Variants in XAB2 observed in about 807,000 individuals in gnomAD.
XAB2 encodes the protein pre-mRNA-splicing factor SYF1.
In XAB2, 57 loss-of-function variants were observed where a neutral mutation model predicts 113.4. The observed-to-expected ratio is 0.50, with a 90% CI of 0.41 to 0.63. XAB2 has a LOEUF of 0.63. Among genes scored for constraint, XAB2 ranks in the 20% least tolerant of loss-of-function variants. The probability of loss-of-function intolerance (pLI) is 0.00; values close to 1 mark genes in which losing one functional copy is unlikely to be tolerated. For synonymous variants in XAB2, 497 were observed against 498.8 expected (o/e 1.00, Z 0.05); for missense variants, 1,037 against 1,233.3 (o/e 0.84, Z 2.38).
At chr19:7,626,614 G>A (rs1319122892) in intron 4 of XAB2, among the ~76,000 whole-genome samples, 1 of 151,646 alleles carries the variant, frequency 6.6e-6, no homozygotes, top group Non-Finnish European at 1.5e-5. Context: ...TCCAGCCTTG[G>A]TCCTTTTGGG....
At position 7,627,411 on chromosome 19, in the gene XAB2, C is replaced by T; in HGVS notation, c.354G>A (p.Gln118=). ...KMPRLWLDYC[Q]FLMDQGRVTH... is the part of the protein sequence containing the mutation. ...TGACGCGCCCCTGGTCCATGAGGAA[C>T]TGGCAGTAATCTAGCCACAGACGAG... The change falls in exon 4 of 19, where the codon CAG becomes CAA. Residue 118 remains glutamine, a synonymous_variant. Coordinates refer to ENST00000358368, the MANE Select transcript of XAB2 (RefSeq NM_020196.3). This position sits in a 1 kb window ranked among gnomAD's most constrained non-coding sequence, Gnocchi z 4.5. 6.2e-7 allele frequency: 1 copy of T among 1,606,128 alleles called. No homozygotes were observed. The highest frequency in any genetic ancestry group is 1.1e-5 in the South Asian group (1 of 90,292).
In XAB2 at chr19:7,624,422, G is replaced by A. The variant is rs753422016; in HGVS notation, c.846C>T (p.Ala282=). The A allele has an allele frequency of 1.9e-6, 3 of 1,614,114 alleles. No individual in the cohort carries two copies. Among genetic ancestry groups the A allele is most frequent in the Non-Finnish European group, 2.5e-6 (3 of 1,180,006 alleles). The change falls in exon 7 of 19, where the codon GCC becomes GCT. Residue 282 remains alanine, a synonymous_variant. Transcript: ENST00000358368. The surrounding 1 kb of genome is among the most constrained non-coding windows in gnomAD (Gnocchi z 4.2). ...FEKARDVYEE[A]IRTVMTVRDF... ...CCCGCACGGTCATCACTGTCCGGAT[G>A]GCCTCCTCGTACACGTCCCGAGCCT...
rs1343631908 is a variant in XAB2, at chr19:7,622,330, C to T, written c.1617+1G>A. ...CCTCTGGGTCCACCCTAGCCCCTCA[C>T]CTTGAAGCTCTCCTCGAAGTACTTG... On this transcript the variant is annotated splice_donor_variant, in intron 12 of 18. Coordinates refer to ENST00000358368, the MANE Select transcript of XAB2 (RefSeq NM_020196.3). LOFTEE classifies it high-confidence loss of function. 1 of 1,614,016 alleles carries T rather than the reference C, an allele frequency of 6.2e-7. No homozygotes were observed. Among genetic ancestry groups the T allele is most frequent in the Non-Finnish European group, 8.5e-7 (1 of 1,180,036 alleles).
chr19:7,620,123 C>T lies in XAB2; in HGVS notation c.2267-48G>A, dbSNP rs776366256. On this transcript the variant is annotated intron_variant, in intron 16 of 18. Coordinates refer to ENST00000358368, the MANE Select transcript of XAB2 (RefSeq NM_020196.3). Reference sequence around the variant, plus strand: ...CAGCGCCACGGGGGCCCCTCCCACACATCGGACGTTGCACTATCCCAGTCC... The same window carrying T: ...CAGCGCCACGGGGGCCCCTCCCACATATCGGACGTTGCACTATCCCAGTCC... 31 of 1,601,186 alleles carry T rather than the reference C, an allele frequency of 1.9e-5. No individual in the cohort carries two copies. In the Admixed American group the frequency reaches 4.5e-4, roughly 23 times the overall value.
chr19:7,626,482 T>A (rs1888681686), intron 4 of XAB2, among the ~76,000 whole-genome samples: 1 of 151,988 alleles, frequency 6.6e-6, no homozygotes, highest in African/African-American at 2.4e-5. Context: ...CCCCTGTGGG[T>A]CCTGCCTTGG....
rs4134852 is a variant in XAB2 at position 7,622,560 on chromosome 19, G to A, written c.1473C>T (p.Ala491=). ...AGGTGCCGAGGCTCTCCTCCAGGTC[G>A]GCGAGCATGGACCAGACCTTCAGTG... ...YKSLKVWSML[A]DLEESLGTFQ... The change falls in exon 11 of 19, where the codon GCC becomes GCT. Residue 491 remains alanine, a synonymous_variant. Transcript: ENST00000358368. The A allele has an allele frequency of 2.4e-3, 3,946 of 1,613,620 alleles. 89 individuals carry two copies. In the African/African-American group the frequency reaches 0.048, roughly 20 times the overall value.
In XAB2 at chr19:7,624,383, C is replaced by A; in HGVS notation, c.885G>T (p.Val295=). 1 of 1,614,204 alleles carries A rather than the reference C, an allele frequency of 6.2e-7. No individual in the cohort carries two copies. Residue 295 remains valine, a synonymous_variant, in exon 7 of 19, where the codon GTG becomes GTT. Coordinates refer to ENST00000358368, the MANE Select transcript of XAB2 (RefSeq NM_020196.3). This position sits in a 1 kb window ranked among gnomAD's most constrained non-coding sequence, Gnocchi z 4.2. ...CCTCGAACTGGGCGTAGCTGTCAAA[C>A]ACCTGTGTGAAGTCCCGCACGGTCA... is the stretch of plus-strand genomic sequence containing the variant. ...TVMTVRDFTQ[V]FDSYAQFEES...
rs1044908043 is a variant in XAB2 at position 7,623,224 on chromosome 19, G to A, written c.1185C>T (p.His395=). 4 of 1,613,770 alleles carry A rather than the reference G, an allele frequency of 2.5e-6. No individual in the cohort carries two copies. The highest frequency in any genetic ancestry group is 1.7e-5 in the Admixed American group (1 of 60,010). The change falls in exon 9 of 19, where the codon CAC becomes CAT. Residue 395 remains histidine, a synonymous_variant. Transcript: ENST00000358368. The surrounding 1 kb of genome is among the most constrained non-coding windows in gnomAD (Gnocchi z 4.6). The stretch of plus-strand genomic sequence containing the variant: ...ACTTGGCAAACGCCACCCACAGAGT[G>A]TGGGGCTTGCCTGTGGCCTTGAAGG... ...VDPFKATGKP[H]TLWVAFAKFY...
At position 7,623,222 on chromosome 19, in the gene XAB2, G is replaced by A; in HGVS notation, c.1187C>T (p.Thr396Ile). ...AAACTTGGCAAACGCCACCCACAGAGTGTGGGGCTTGCCTGTGGCCTTGAA... is the reference window on the plus strand; with the variant it reads ...AAACTTGGCAAACGCCACCCACAGAATGTGGGGCTTGCCTGTGGCCTTGAA... Reference protein sequence around the residue: ...DPFKATGKPHTLWVAFAKFYE... With the variant: ...DPFKATGKPHILWVAFAKFYE... Residue 396 changes from threonine (T) to isoleucine (I), a missense_variant, in exon 9 of 19, where the codon ACT becomes ATT. By Grantham distance (89) the Thr-to-Ile change is moderately conservative (BLOSUM62 -1). Transcript: ENST00000358368. The surrounding 1 kb of genome is among the most constrained non-coding windows in gnomAD (Gnocchi z 4.6). 2 of 1,613,902 alleles carry A rather than the reference G, an allele frequency of 1.2e-6. No homozygotes were observed. Among genetic ancestry groups the A allele is most frequent in the Non-Finnish European group, 1.7e-6 (2 of 1,180,048 alleles).
In XAB2 at chr19:7,623,019, C is replaced by T. The variant is rs2031067837; in HGVS notation, c.1240-126G>A. ...AAACACACAGGCACACACACAGGCA[C>T]ACACATGCGTGCACATATGCATGCA... On this transcript the variant is annotated intron_variant, in intron 9 of 18. Transcript: ENST00000358368. The surrounding 1 kb of genome is among the most constrained non-coding windows in gnomAD (Gnocchi z 4.6). 3 of 1,541,370 alleles carry T rather than the reference C, an allele frequency of 1.9e-6. No individual in the cohort carries two copies. The highest frequency in any genetic ancestry group is 2.6e-6 in the Non-Finnish European group (3 of 1,144,382).
At chr19:7,620,131 G>C (rs545693034) in intron 16 of XAB2, 56 bp from the exon 17 acceptor site, 4 of 1,598,930 alleles carry the variant, frequency 2.5e-6, no homozygotes, top group Non-Finnish European at 2.5e-6. Context: ...CACATCGGAC[G>C]TTGCACTATC....
At position 7,622,913 on chromosome 19, in the gene XAB2, C is replaced by G. The variant is rs185739711; in HGVS notation, c.1240-20G>C. 3.1e-6 allele frequency: 5 copies of G among 1,611,506 alleles called. No homozygotes were observed. In the East Asian group the frequency reaches 1.1e-4, roughly 36 times the overall value. On this transcript the variant is annotated intron_variant, in intron 9 of 18. Coordinates refer to ENST00000358368, the MANE Select transcript of XAB2 (RefSeq NM_020196.3). The stretch of plus-strand genomic sequence containing the variant: ...ACGGGCCTGCCGGGGCGGGCAGAGG[C>G]GAGGCTGAGACCCTGCCCACCTGGA...
rs1427461903 is a variant in XAB2, at chr19:7,625,456, G to A, written c.822+424C>T. Among the ~76,000 whole-genome samples the A allele has an allele frequency of 6.7e-6, 1 of 148,632 alleles. No individual in the cohort carries two copies. Among genetic ancestry groups the A allele is most frequent in the Non-Finnish European group, 1.5e-5 (1 of 67,512 alleles). ...AGTAATCGTGTGCAGGGATATGCAT[G>A]TCTGTCAAAAATGGCACTTTTTTTT... On this transcript the variant is annotated intron_variant, in intron 6 of 18. Coordinates refer to ENST00000358368, the MANE Select transcript of XAB2 (RefSeq NM_020196.3). The surrounding 1 kb of genome is among the most constrained non-coding windows in gnomAD (Gnocchi z 5.2).
In XAB2 at chr19:7,623,806, G is replaced by A. The variant is rs565422594; in HGVS notation, c.1044C>T (p.Val348=). The A allele has an allele frequency of 6.2e-7, 1 of 1,612,104 alleles. No individual in the cohort carries two copies. Among genetic ancestry groups the A allele is most frequent in the East Asian group, 2.2e-5 (1 of 44,876 alleles). The part of the protein sequence containing the change: ...ISRRPLLLNS[V]LLRQNPHHVH... Reference sequence around the variant, plus strand: ...CGTGGTGTGGGTTTTGGCGCAGCAAGACGCTGTTGAGGAGCAGGGGCCGCC... The same window carrying A: ...CGTGGTGTGGGTTTTGGCGCAGCAAAACGCTGTTGAGGAGCAGGGGCCGCC... The change falls in exon 8 of 19, where the codon GTC becomes GTT. Residue 348 remains valine (V), a synonymous_variant. Coordinates refer to ENST00000358368, the MANE Select transcript of XAB2 (RefSeq NM_020196.3). The surrounding 1 kb of genome is among the most constrained non-coding windows in gnomAD (Gnocchi z 4.6).
Position 7,622,753 on chromosome 19 carries a change from T to G in XAB2, c.1371+9A>C, listed in dbSNP as rs758058548. On this transcript the variant is annotated intron_variant, in intron 10 of 18. Transcript: ENST00000358368. ...CAGCCCCCACCCCACAGCCTGGGCC[T>G]GTTCTCACTCGCAGCAGCCGCAAGG... 15 of 1,613,950 alleles carry G rather than the reference T, an allele frequency of 9.3e-6. No homozygotes were observed. Among genetic ancestry groups the G allele is most frequent in the African/African-American group, 1.3e-5 (1 of 75,060 alleles).
In XAB2 at chr19:7,622,421, G is replaced by A. The variant is rs779196892; in HGVS notation, c.1527C>T (p.Arg509=). 1.9e-6 allele frequency: 3 copies of A among 1,614,214 alleles called. No individual in the cohort carries two copies. The highest frequency in any genetic ancestry group is 2.2e-5 in the East Asian group (1 of 44,886). The change falls in exon 12 of 19, where the codon CGC becomes CGT. Residue 509 remains arginine, a synonymous_variant. Coordinates refer to ENST00000358368, the MANE Select transcript of XAB2 (RefSeq NM_020196.3). ...GTGTTGCGATACGCAGGTCCAGGAT[G>A]CGGTCGTACACGGCCTTGGTGGACT... ...TFQSTKAVYD[R]ILDLRIATPQ...
chr19:7,621,534 AT>A, intron 12 of XAB2: 1 of 527,884 alleles, frequency 1.9e-6, no homozygotes, highest in East Asian at 3.0e-5. Flanking sequence ...GTCTGGCCCC[AT>A]AGGAGGTGAC....
In XAB2 at chr19:7,625,144, C is replaced by A. The variant is rs563095878; in HGVS notation, c.823-699G>T. Among the ~76,000 whole-genome samples, 38 of 152,332 alleles carry A rather than the reference C, an allele frequency of 2.5e-4. No homozygotes were observed. The South Asian group carries it at 2.7e-3, about 11-fold the overall frequency. ...CTCTGGCCCCCTCTGCACCCACCTG[C>A]CCCCAGGCCATCCCCTGAGCTTGCC... On this transcript the variant is annotated intron_variant, in intron 6 of 18. Coordinates refer to ENST00000358368, the MANE Select transcript of XAB2 (RefSeq NM_020196.3). This position sits in a 1 kb window ranked among gnomAD's most constrained non-coding sequence, Gnocchi z 5.2.
rs1341578932 is a variant in XAB2, at chr19:7,621,053, G to A, written c.1781-17C>T. On this transcript the variant is annotated splice_polypyrimidine_tract_variant and intron_variant, in intron 13 of 18. Coordinates refer to ENST00000358368, the MANE Select transcript of XAB2 (RefSeq NM_020196.3). ...GGTACAAGGCTGGGCGGGGTAGGCG[G>A]GGAGAGGGGAGCACGGTCAGCCGGG... is the stretch of plus-strand genomic sequence containing the variant. 5 of 1,542,302 alleles carry A rather than the reference G, an allele frequency of 3.2e-6. No homozygotes were observed. The highest frequency in any genetic ancestry group is 1.9e-5 in the Admixed American group (1 of 51,476).
Sources: allele counts gnomAD v4.1 joint callset (sites outside exome capture counted in the v4.1 genomes callset), GRCh38; gene constraint gnomAD v4.1.1; non-coding constraint Gnocchi (gnomAD v3.1); transcripts MANE v1.5; gene names NCBI Gene and HGNC (gene_info 2026-07-23, HGNC 2026-07-21).